The following ACER3 variants were observed in gnomAD, a reference collection of about 807,000 sequenced individuals.
ACER3 encodes alkCDase 3.
ACER3 carries 16 observed loss-of-function variants against 48.9 expected under a neutral mutation model. That is an observed-to-expected ratio of 0.33 (90% CI 0.22 to 0.50). The LOEUF (loss-of-function observed/expected upper bound fraction) is 0.50. ACER3 is among the 20% of genes least tolerant of loss of function. The pLI is 0.98. For synonymous variants in ACER3, 109 were observed against 107.8 expected, an observed-to-expected ratio of 1.01 and a Z score of -0.07; for missense variants, 227 against 326.0, an observed-to-expected ratio of 0.70 and a Z score of 2.34.
chr11:76,913,738 G>A (rs1375429260), intron 1 of ACER3, among the ~76,000 whole-genome samples: 1 of 152,130 alleles, frequency 6.6e-6, no homozygotes, highest in African/African-American at 2.4e-5. Context: ...AGCCCACATT[G>A]CCAAGTGAAT....
At chr11:76,916,515 A>C (rs1266875938) in intron 1 of ACER3, among the ~76,000 whole-genome samples, 1 of 111,816 alleles carries the variant, frequency 8.9e-6, no homozygotes, top group Admixed American at 8.5e-5. Flanking sequence ...GCTAAGTGCC[A>C]GGTGAGAGGT....
Position 77,022,728 on chromosome 11 carries a change from G to A in ACER3, c.*2401G>A, listed in dbSNP as rs190984103. The A allele has an allele frequency of 6.0e-6, 1 of 166,604 alleles. No individual in the cohort carries two copies. The highest frequency in any genetic ancestry group is 6.4e-5 in the Admixed American group (1 of 15,682). 10.3% of individuals were successfully genotyped at this position (166,604 alleles called of 1,614,324 possible). The stretch of plus-strand genomic sequence containing the variant: ...TCATGTTAACTAGAGTGTACAAAAA[G>A]TCTGTTTCCTGCTGAGCCAATAGTG... On this transcript the variant is annotated 3_prime_UTR_variant, in exon 11 of 11. Transcript: ENST00000532485.
chr11:76,956,059 A>G (rs1227850673), intron 2 of ACER3, among the ~76,000 whole-genome samples: 3 of 152,200 alleles, frequency 2.0e-5, no homozygotes. Context: ...GAGAAAATGG[A>G]AAATGACTGC....
chr11:76,891,790 C>T (rs1293789257), intron 1 of ACER3, among the ~76,000 whole-genome samples: 1 of 152,218 alleles, frequency 6.6e-6, no homozygotes, highest in East Asian at 1.9e-4. Flanking sequence ...GAAACCCCCA[C>T]ATATTTGGTC....
intron 6 of ACER3, among the ~76,000 whole-genome samples, chr11:76,995,552 A>G (rs532585006): frequency 1.0e-3 from 159 of 152,334 alleles, no homozygotes; most frequent in Non-Finnish European, 2.0e-3. Flanking sequence ...CTATAAAAAT[A>G]TACATATTGT....
chr11:77,007,223 A>G (rs1949170610), intron 7 of ACER3, among the ~76,000 whole-genome samples: 1 of 150,430 alleles, frequency 6.6e-6, no homozygotes, highest in Non-Finnish European at 1.5e-5. Flanking sequence ...TTTTGTTTTT[A>G]TTTTTATTTT....
chr11:76,965,938 G>A (rs1423768132), intron 3 of ACER3, among the ~76,000 whole-genome samples: 1 of 151,202 alleles, frequency 6.6e-6, no homozygotes, highest in Non-Finnish European at 1.5e-5. Context: ...ATAATGACAG[G>A]ATCAAATTCA....
intron 7 of ACER3, among the ~76,000 whole-genome samples, chr11:77,010,183 A>G (rs2135307062): frequency 6.6e-6 from 1 of 150,470 alleles, no homozygotes; most frequent in African/African-American, 2.4e-5. Context: ...AATAATAATA[A>G]TAATAATAAT....
At chr11:77,017,482 CAAATG>C (rs1469282471) in intron 9 of ACER3, among the ~76,000 whole-genome samples, 12 of 152,116 alleles carry the variant, frequency 7.9e-5, no homozygotes, top group Non-Finnish European at 1.6e-4. Flanking sequence ...AAAACGCAAA[CAAATG>C]AAAAGACATC....
At chr11:76,997,688 T>A (rs201090039) in intron 6 of ACER3, among the ~76,000 whole-genome samples, 17 of 140,176 alleles carry the variant, frequency 1.2e-4, no homozygotes, top group African/African-American at 4.2e-4. Context: ...AGAAAAAAAA[T>A]TAGCCAGGAT....
intron 6 of ACER3, among the ~76,000 whole-genome samples, chr11:76,995,779 AG>A (rs1472040735): frequency 6.6e-6 from 1 of 152,124 alleles, no homozygotes; most frequent in Non-Finnish European, 1.5e-5. Context: ...TCTGGAGAGA[AG>A]AAAGTTAATT....
intron 3 of ACER3, among the ~76,000 whole-genome samples, chr11:76,966,750 T>C (rs1948148425): frequency 6.7e-6 from 1 of 150,366 alleles, no homozygotes; most frequent in Non-Finnish European, 1.5e-5. Context: ...AGATGTTCTT[T>C]GAAACCAACG....
At chr11:76,883,438 CTT>C (rs60656670) in intron 1 of ACER3, among the ~76,000 whole-genome samples, 1 of 98,936 alleles carries the variant, frequency 1.0e-5, no homozygotes, top group Non-Finnish European at 1.9e-5. Context: ...GATTTTCTTG[CTT>C]TTTTTTTTTT....
chr11:76,916,223 CT>C, intron 1 of ACER3, among the ~76,000 whole-genome samples: 1 of 152,132 alleles, frequency 6.6e-6, no homozygotes, highest in Non-Finnish European at 1.5e-5. Context: ...AAAAGAATAA[CT>C]TTATTACATC....
intron 1 of ACER3, among the ~76,000 whole-genome samples, chr11:76,875,210 T>C (rs1945341934): frequency 6.9e-6 from 1 of 144,548 alleles, no homozygotes; most frequent in Non-Finnish European, 1.5e-5. Flanking sequence ...ACCTCCTGGG[T>C]TCAAGTGATT....
chr11:76,896,650 T>C (rs1475733469), intron 1 of ACER3, among the ~76,000 whole-genome samples: 1 of 152,222 alleles, frequency 6.6e-6, no homozygotes, highest in Non-Finnish European at 1.5e-5. Context: ...AGCCTGTGAA[T>C]AGAAGATTGG....
chr11:76,874,771 C>T (rs1279777681), intron 1 of ACER3, among the ~76,000 whole-genome samples: 1 of 152,156 alleles, frequency 6.6e-6, no homozygotes, highest in African/African-American at 2.4e-5. Context: ...TTTGGGAGGT[C>T]TACTTGATTC....
chr11:76,929,590 C>G, intron 2 of ACER3, among the ~76,000 whole-genome samples: 1 of 152,162 alleles, frequency 6.6e-6, no homozygotes, highest in Non-Finnish European at 1.5e-5. Context: ...ATGATATTGG[C>G]TGTGGGTCTG....
At chr11:76,948,608 T>G (rs1019230312) in intron 2 of ACER3, among the ~76,000 whole-genome samples, 10 of 152,208 alleles carry the variant, frequency 6.6e-5, no homozygotes, top group African/African-American at 2.4e-4. Flanking sequence ...AATATGTAGA[T>G]TTTATATCAT....
Sources: gnomAD v4.1 joint callset for allele counts (sites outside exome capture counted in the v4.1 genomes callset) on GRCh38, gnomAD v4.1.1 for gene constraint, MANE v1.5 for transcripts, NCBI Gene and HGNC (gene_info 2026-07-23, HGNC 2026-07-21) for gene names.